The following IPMK variants were observed in gnomAD, a reference collection of about 807,000 sequenced individuals.
IPMK encodes inositol 1,3,4,6-tetrakisphosphate 5-kinase.
IPMK carries 17 observed loss-of-function variants against 45.8 expected under a neutral mutation model. The ratio of observed to expected loss-of-function variants is 0.37; its 90% CI spans 0.25 to 0.56. The LOEUF is 0.56. IPMK is among the 20% of genes least tolerant of loss of function. IPMK has a pLI of 0.79. For synonymous variants in IPMK, 180 were observed against 184.3 expected (o/e 0.98, Z 0.19); for missense variants, 399 against 498.0 (o/e 0.80, Z 1.89).
chr10:58,196,352 A>T lies in IPMK; in HGVS notation c.975T>A (p.Tyr325Ter), dbSNP rs1837893123. 1 of 1,613,972 alleles carries T rather than the reference A, an allele frequency of 6.2e-7. No homozygotes were observed. Among genetic ancestry groups the T allele is most frequent in the Non-Finnish European group, 8.5e-7 (1 of 1,180,008 alleles). Residue 325 changes from tyrosine (Y) to a stop codon, truncating the protein, a stop_gained, in exon 6 of 6, where the codon TAT becomes TAA. Transcript: ENST00000373935. LOFTEE classifies it high-confidence loss of function. The part of the protein sequence containing the change: ...SKMYARHRKI[Y>*]TKKHHSQTSL... ...AAGTCTGACTGTGATGCTTTTTTGTATATATTTTCCTGTGACGCGCATACA... is the reference window on the plus strand; with the variant it reads ...AAGTCTGACTGTGATGCTTTTTTGTTTATATTTTCCTGTGACGCGCATACA...
intron 1 of IPMK, among the ~76,000 whole-genome samples, chr10:58,242,459 CAA>C (rs1377487096): frequency 6.7e-5 from 3 of 45,066 alleles, no homozygotes; most frequent in African/African-American, 1.2e-4. Flanking sequence ...GACTCCGTCT[CAA>C]AAAAAAAAAA....
chr10:58,245,282 G>T (rs1476282477), intron 1 of IPMK, among the ~76,000 whole-genome samples: 2 of 151,828 alleles, frequency 1.3e-5, no homozygotes. Context: ...CCAGGAGAAG[G>T]GAGAAAAGAG....
At chr10:58,215,542 C>T (rs1224416321) in intron 4 of IPMK, among the ~76,000 whole-genome samples, 3 of 151,660 alleles carry the variant, frequency 2.0e-5, no homozygotes, top group Admixed American at 6.6e-5. Flanking sequence ...CCGAGTAGCT[C>T]GGACTATAGG....
chr10:58,192,394 T>C lies in IPMK; in HGVS notation c.*3682A>G, dbSNP rs908423253. 6.6e-6 allele frequency: 1 copy of C among 152,014 alleles called. No homozygotes were observed. The highest frequency in any genetic ancestry group is 2.4e-5 in the African/African-American group (1 of 41,428). The allele number at this position is 152,014 out of a possible 1,614,324, so 9.4% of individuals were successfully genotyped here. ...TGGACAGTCTAAATAAATGTACCTT[T>C]GCCAGCAAGGAAAGTGAAAAATTAA... On this transcript the variant is annotated 3_prime_UTR_variant, in exon 6 of 6. Coordinates refer to ENST00000373935, the MANE Select transcript of IPMK (RefSeq NM_152230.5).
At chr10:58,225,954 A>C (rs1310409048) in intron 3 of IPMK, among the ~76,000 whole-genome samples, 1 of 152,198 alleles carries the variant, frequency 6.6e-6, no homozygotes, top group African/African-American at 2.4e-5. Flanking sequence ...ATCATAGACA[A>C]ATAGATATAG....
intron 2 of IPMK, among the ~76,000 whole-genome samples, chr10:58,228,319 T>C (rs1467981707): frequency 6.6e-6 from 1 of 151,488 alleles, no homozygotes; most frequent in African/African-American, 2.4e-5. Flanking sequence ...AGCAGGTCTA[T>C]GAAATTAAGT....
Position 58,227,196 on chromosome 10 carries a change from C to T in IPMK, c.277-57G>A. 4 of 1,190,480 alleles carry T rather than the reference C, an allele frequency of 3.4e-6. No homozygotes were observed. The South Asian group carries it at 5.3e-5, about 16-fold the overall frequency. The allele number at this position is 1,190,480 out of a possible 1,614,324, so 73.7% of individuals were successfully genotyped here. On this transcript the variant is annotated intron_variant, in intron 2 of 5. Coordinates refer to ENST00000373935, the MANE Select transcript of IPMK (RefSeq NM_152230.5). ...CTTACAATGCTTTGTAACTGCCCTG[C>T]ACATTTCTCAAATAAAATTTATGTT...
chr10:58,202,349 TACTC>T (rs1232768870), intron 4 of IPMK, among the ~76,000 whole-genome samples: 1 of 152,178 alleles, frequency 6.6e-6, no homozygotes, highest in East Asian at 1.9e-4. Flanking sequence ...TTGAAGCCAA[TACTC>T]ACTCATTTGT....
Position 58,192,678 on chromosome 10 carries a change from T to C in IPMK, c.*3398A>G, listed in dbSNP as rs1210173972. The C allele has an allele frequency of 1.3e-5, 2 of 152,076 alleles. No individual in the cohort carries two copies. Among genetic ancestry groups the C allele is most frequent in the African/African-American group, 4.8e-5 (2 of 41,548 alleles). The allele number at this position is 152,076 out of a possible 1,614,324, so 9.4% of individuals were successfully genotyped here. ...AATACTGGGGGCTAAAAATGCTTAA[T>C]ACATGGCATAAATCCAAGGAATATT... On this transcript the variant is annotated 3_prime_UTR_variant, in exon 6 of 6. Coordinates refer to ENST00000373935, the MANE Select transcript of IPMK (RefSeq NM_152230.5).
chr10:58,238,986 T>G (rs1838658424), intron 1 of IPMK, among the ~76,000 whole-genome samples: 1 of 152,018 alleles, frequency 6.6e-6, no homozygotes, highest in Non-Finnish European at 1.5e-5. Context: ...CTACAAAACA[T>G]TTAAAAAAGA....
In IPMK at chr10:58,237,824, A is replaced by C; in HGVS notation, c.191-10T>G. ...GGATGTTGCAGTATACCTATGGAACAAAAATCAGAAATTGTTTAATGCTTT... is the reference window on the plus strand; with the variant it reads ...GGATGTTGCAGTATACCTATGGAACCAAAATCAGAAATTGTTTAATGCTTT... On this transcript the variant is annotated splice_polypyrimidine_tract_variant and intron_variant, in intron 1 of 5. Transcript: ENST00000373935. The C allele has an allele frequency of 6.3e-7, 1 of 1,596,164 alleles. No individual in the cohort carries two copies. The highest frequency in any genetic ancestry group is 1.1e-5 in the South Asian group (1 of 90,656).
chr10:58,198,355 T>C (rs1198316774), intron 5 of IPMK, among the ~76,000 whole-genome samples: 1 of 152,222 alleles, frequency 6.6e-6, no homozygotes, highest in Non-Finnish European at 1.5e-5. Flanking sequence ...TACTTGGGAA[T>C]TTATAGGTAT....
At position 58,235,932 on chromosome 10, in the gene IPMK, C is replaced by CT. The variant is rs559370490; in HGVS notation, c.276+1796dup. On this transcript the variant is annotated intron_variant, in intron 2 of 5. Transcript: ENST00000373935. ...AACTCTTAAAGAACTTCTTAAAGAA[C>CT]TTTTTTTTTTTTTTAGAGAGAGTCT... is the stretch of plus-strand genomic sequence containing the variant. Among the ~76,000 whole-genome samples, 1,226 of 142,844 alleles carry CT rather than the reference C, an allele frequency of 8.6e-3. 12 individuals carry two copies. The highest frequency in any genetic ancestry group is 0.025 in the African/African-American group (977 of 39,204). 93.7% of individuals were successfully genotyped at this position (142,844 alleles called of 152,430 possible).
chr10:58,244,502 G>A (rs114215792), intron 1 of IPMK, among the ~76,000 whole-genome samples: 9,247 of 149,690 alleles, frequency 0.062, 774 homozygotes, highest in African/African-American at 0.18. Context: ...GCCTCTGCCA[G>A]GCCGTCCCGT....
rs1445448775 is a variant in IPMK, at chr10:58,192,241, GT to G, written c.*3834del. ...TTGCCAAATTTAAAATACCAGTGAT[GT>G]TAAGATTGAGGCCTAAAACTGTTGT... On this transcript the variant is annotated 3_prime_UTR_variant, in exon 6 of 6. Transcript: ENST00000373935. 1.3e-5 allele frequency: 2 copies of G among 151,986 alleles called. No homozygotes were observed. Among genetic ancestry groups the G allele is most frequent in the African/African-American group, 2.4e-5 (1 of 41,416 alleles). The allele number at this position is 151,986 out of a possible 1,614,324, so 9.4% of individuals were successfully genotyped here. A position where few individuals can be genotyped will look rare whatever the true frequency, so the allele number is the denominator to read the frequency against.
intron 4 of IPMK, among the ~76,000 whole-genome samples, chr10:58,203,197 C>T (rs1056170167): frequency 1.3e-5 from 2 of 152,168 alleles, no homozygotes; most frequent in Non-Finnish European, 2.9e-5. Context: ...GAGGAGGTAA[C>T]TGCAGATGTG....
At chr10:58,253,219 C>A (rs532537617) in intron 1 of IPMK, among the ~76,000 whole-genome samples, 1 of 152,320 alleles carries the variant, frequency 6.6e-6, no homozygotes, top group South Asian at 2.1e-4. Context: ...GCTCCTCATT[C>A]ACCTTCTGCC....
chr10:58,263,831 G>A (rs753840566), intron 1 of IPMK, among the ~76,000 whole-genome samples: 6 of 152,176 alleles, frequency 3.9e-5, no homozygotes, highest in Middle Eastern at 3.2e-3. Flanking sequence ...GAATCCCATC[G>A]TAAGGAACTA....
chr10:58,202,677 A>G (rs942636255), intron 4 of IPMK, among the ~76,000 whole-genome samples: 1 of 152,130 alleles, frequency 6.6e-6, no homozygotes, highest in Non-Finnish European at 1.5e-5. Context: ...AAACAAAAAA[A>G]TGTGCTGAAT....
Sources: gnomAD v4.1 joint callset for allele counts (sites outside exome capture counted in the v4.1 genomes callset) on GRCh38, gnomAD v4.1.1 for gene constraint, MANE v1.5 for transcripts, NCBI Gene and HGNC (gene_info 2026-07-23, HGNC 2026-07-21) for gene names.